OR2L13: variants seen among roughly 807,000 people sequenced by gnomAD.
The protein encoded by OR2L13 is olfactory receptor family 2 subfamily L member 13, also known as olfactory receptor 2L13.
OR2L13 carries 14 observed loss-of-function variants against 15.3 expected under a neutral mutation model. The ratio of observed to expected loss-of-function variants is 0.91; its 90% CI spans 0.60 to 1.43. The LOEUF is 1.43. OR2L13 is among the 40% of genes most tolerant of loss of function. The pLI is 0.00. For synonymous variants in OR2L13, 152 were observed against 142.9 expected (o/e 1.06, Z -0.45); for missense variants, 367 against 387.9 (o/e 0.95, Z 0.45).
the OR2L13 span, among the ~76,000 whole-genome samples, chr1:247,957,916 GA>G: frequency 2.0e-5 from 3 of 152,000 alleles, no homozygotes; most frequent in East Asian, 5.8e-4. Context: ...TTGATTTTTT[GA>G]AGGGTTTTTG....
At chr1:248,037,617 A>G in the OR2L13 span, among the ~76,000 whole-genome samples, 2 of 152,166 alleles carry the variant, frequency 1.3e-5, no homozygotes, top group Non-Finnish European at 2.9e-5. Flanking sequence ...TTTTTTTCTA[A>G]ATAGAATAAA....
chr1:248,091,679 T>A (rs1664600877), upstream of OR2L13, among the ~76,000 whole-genome samples: 1 of 152,146 alleles, frequency 6.6e-6, no homozygotes, highest in Non-Finnish European at 1.5e-5. Flanking sequence ...GTTTTGATTA[T>A]TGTAGCCTTG....
the OR2L13 span, among the ~76,000 whole-genome samples, chr1:247,955,096 C>T: frequency 2.0e-5 from 3 of 151,868 alleles, no homozygotes; most frequent in Non-Finnish European, 4.4e-5. Context: ...TATCCCTCCC[C>T]CCTTCCCCCA....
the OR2L13 span, among the ~76,000 whole-genome samples, chr1:248,048,597 T>C: frequency 8.5e-4 from 130 of 152,228 alleles, 2 homozygotes; most frequent in Non-Finnish European, 2.8e-4. Flanking sequence ...TACAGACAGC[T>C]TGTTTTAAGG....
the OR2L13 span, among the ~76,000 whole-genome samples, chr1:247,945,763 C>T: frequency 6.6e-6 from 1 of 152,228 alleles, no homozygotes; most frequent in Admixed American, 6.5e-5. Context: ...CCTTCTTTGT[C>T]TTTTTTGACC....
the OR2L13 span, chr1:248,083,695 G>A: frequency 1.9e-6 from 3 of 1,608,276 alleles, no homozygotes; most frequent in Non-Finnish European, 8.5e-7. Context: ...CCCAGCCACC[G>A]TTTCAGGGCT....
At chr1:248,089,660 G>A in the OR2L13 span, among the ~76,000 whole-genome samples, 1 of 152,110 alleles carries the variant, frequency 6.6e-6, no homozygotes, top group Non-Finnish European at 1.5e-5. Flanking sequence ...ATAAAAACTA[G>A]AGATAACAGC....
the OR2L13 span, among the ~76,000 whole-genome samples, chr1:247,955,285 T>A: frequency 7.9e-5 from 12 of 152,172 alleles, no homozygotes; most frequent in Non-Finnish European, 1.3e-4. Flanking sequence ...AACTCATCTT[T>A]TTTTATGGCT....
At chr1:248,025,214 A>G in the OR2L13 span, among the ~76,000 whole-genome samples, 1 of 147,964 alleles carries the variant, frequency 6.8e-6, no homozygotes, top group Non-Finnish European at 1.5e-5. Flanking sequence ...CAAAGGGCTA[A>G]TATCCAGAAT....
At chr1:248,066,370 T>C in the OR2L13 span, among the ~76,000 whole-genome samples, 5 of 152,232 alleles carry the variant, frequency 3.3e-5, no homozygotes, top group Non-Finnish European at 5.9e-5. Context: ...CATGTTTCTG[T>C]AGAAGTAATA....
chr1:247,989,213 A>G, the OR2L13 span, among the ~76,000 whole-genome samples: 11,556 of 152,232 alleles, frequency 0.076, 521 homozygotes, highest in East Asian at 0.16. Flanking sequence ...CTACATTTCT[A>G]AATAGAAGAA....
chr1:248,033,755 T>G, the OR2L13 span, among the ~76,000 whole-genome samples: 3 of 152,212 alleles, frequency 2.0e-5, no homozygotes, highest in African/African-American at 7.2e-5. Flanking sequence ...TCTTTTCTTC[T>G]ATTGTTATAC....
At chr1:248,061,459 C>T in the OR2L13 span, 45 of 1,613,930 alleles carry the variant, frequency 2.8e-5, no homozygotes, top group Middle Eastern at 3.3e-4. Flanking sequence ...CACTTATCTA[C>T]GTCCAAGATC....
the OR2L13 span, among the ~76,000 whole-genome samples, chr1:247,993,338 CGTT>C: frequency 3.1e-5 from 4 of 130,102 alleles, no homozygotes; most frequent in South Asian, 4.5e-4. Flanking sequence ...GCTGTTTCCT[CGTT>C]GTTTTTTTTT....
chr1:248,061,586 G>A, the OR2L13 span: 22 of 1,612,780 alleles, frequency 1.4e-5, no homozygotes, highest in Non-Finnish European at 1.8e-5. Flanking sequence ...GCCCTGACAC[G>A]AGTGAGTCAG....
upstream of OR2L13, among the ~76,000 whole-genome samples, chr1:248,091,495 C>A (rs1314757820): frequency 6.6e-6 from 1 of 151,938 alleles, no homozygotes; most frequent in East Asian, 1.9e-4. Flanking sequence ...CAATCTTCTG[C>A]ATTTGACTAG....
chr1:247,990,695 T>G, the OR2L13 span: 21 of 1,537,132 alleles, frequency 1.4e-5, no homozygotes, highest in Admixed American at 3.3e-5. Flanking sequence ...TGTGCACTGA[T>G]GATAACAGGA....
chr1:248,006,865 C>T, the OR2L13 span, among the ~76,000 whole-genome samples: 1 of 152,190 alleles, frequency 6.6e-6, no homozygotes, highest in Non-Finnish European at 1.5e-5. Flanking sequence ...ACTGAATCTT[C>T]AGTCACTTCG....
At chr1:247,962,150 G>A in the OR2L13 span, among the ~76,000 whole-genome samples, 1,004 of 152,270 alleles carry the variant, frequency 6.6e-3, 16 homozygotes, top group African/African-American at 0.023. Flanking sequence ...AAATTTCACA[G>A]AAGTTGTGCC....
Sources: allele counts gnomAD v4.1 joint callset (sites outside exome capture counted in the v4.1 genomes callset), GRCh38; gene constraint gnomAD v4.1.1; transcripts MANE v1.5; gene names NCBI Gene and HGNC (gene_info 2026-07-23, HGNC 2026-07-21).